The following CCDC93 variants were observed in gnomAD, a reference collection of about 807,000 sequenced individuals.
CCDC93 encodes CCC complex scaffolding subunit CCDC93, also known as coiled-coil domain-containing protein 93.
CCDC93 carries 61 observed loss-of-function variants against 108.2 expected under a neutral mutation model. The observed-to-expected ratio is 0.56, with a 90% CI of 0.46 to 0.70. The LOEUF (loss-of-function observed/expected upper bound fraction) is 0.70. CCDC93 is among the 30% of genes least tolerant of loss of function. The pLI is 0.00. For synonymous variants in CCDC93, 276 were observed against 260.4 expected (o/e 1.06, Z -0.58); for missense variants, 685 against 764.2 (o/e 0.90, Z 1.22).
intron 11 of CCDC93, among the ~76,000 whole-genome samples, chr2:117,972,812 T>C (rs1456219729): frequency 1.3e-5 from 2 of 152,142 alleles, no homozygotes; most frequent in Admixed American, 1.3e-4. Context: ...CTGGTCAAAT[T>C]TCAGATGACA....
At chr2:117,955,786 G>T (rs375667923) in intron 12 of CCDC93, among the ~76,000 whole-genome samples, 1 of 151,976 alleles carries the variant, frequency 6.6e-6, no homozygotes, top group African/African-American at 2.4e-5. Context: ...ACAGAGAGAC[G>T]TCTGTGATAC....
At position 117,972,661 on chromosome 2, in the gene CCDC93, G is replaced by A. The variant is rs184786538; in HGVS notation, c.888+1247C>T. Reference sequence around the variant, plus strand: ...TCAGCAATGCTATGTGGCAACATAAGGGCGGGTATAAACTCACACTCTTGC... The same window carrying A: ...TCAGCAATGCTATGTGGCAACATAAAGGCGGGTATAAACTCACACTCTTGC... On this transcript the variant is annotated intron_variant, in intron 11 of 23. Coordinates refer to ENST00000376300, the MANE Select transcript of CCDC93 (RefSeq NM_019044.5). 5.1e-4 allele frequency among the ~76,000 whole-genome samples: 78 copies of A among 151,922 alleles called. 1 individual carries two copies. Among genetic ancestry groups the A allele is most frequent in the African/African-American group, 1.7e-3 (71 of 41,374 alleles).
chr2:117,961,052 T>A (rs974076392), intron 11 of CCDC93, among the ~76,000 whole-genome samples: 3 of 152,166 alleles, frequency 2.0e-5, no homozygotes, highest in African/African-American at 7.2e-5. Flanking sequence ...TGAGAACTGC[T>A]ACTTTAATCT....
chr2:118,008,353 C>T (rs1200139247), intron 2 of CCDC93, among the ~76,000 whole-genome samples, 192 bp downstream of exon 2: 1 of 152,198 alleles, frequency 6.6e-6, no homozygotes, highest in Non-Finnish European at 1.5e-5. Flanking sequence ...AAGGAACTGA[C>T]GTATTCACTG....
chr2:117,973,472 C>A (rs1227899394), intron 11 of CCDC93, among the ~76,000 whole-genome samples: 1 of 149,730 alleles, frequency 6.7e-6, no homozygotes, highest in African/African-American at 2.5e-5. Flanking sequence ...TCATTCTATA[C>A]TCTTTTAATA....
At chr2:118,009,167 T>TC (rs1676958813) in intron 1 of CCDC93, among the ~76,000 whole-genome samples, 1 of 151,828 alleles carries the variant, frequency 6.6e-6, no homozygotes, top group Non-Finnish European at 1.5e-5. Context: ...GGTCAGGAGT[T>TC]CAAGACCAGC....
chr2:117,955,705 G>A (rs1249272679), intron 12 of CCDC93, among the ~76,000 whole-genome samples: 2 of 152,138 alleles, frequency 1.3e-5, no homozygotes, highest in East Asian at 3.9e-4. Flanking sequence ...TGAACTGAAT[G>A]AGTTAATTTT....
At chr2:117,961,726 T>C (rs17583995) in intron 11 of CCDC93, among the ~76,000 whole-genome samples, 10,583 of 152,136 alleles carry the variant, frequency 0.07, 510 homozygotes, top group Admixed American at 0.11. Flanking sequence ...ATGACCAAGG[T>C]GGATTTTGAA....
chr2:117,982,755 T>G (rs1472642486), intron 7 of CCDC93, among the ~76,000 whole-genome samples: 19 of 144,970 alleles, frequency 1.3e-4, no homozygotes, highest in South Asian at 4.4e-4. Flanking sequence ...CATAGTGTAG[T>G]GGGGGGGGGG....
intron 7 of CCDC93, among the ~76,000 whole-genome samples, chr2:117,979,568 A>G (rs1318795049): frequency 6.6e-6 from 1 of 152,234 alleles, no homozygotes; most frequent in African/African-American, 2.4e-5. Context: ...CACTGAACAA[A>G]CAAACTAAAC....
At chr2:117,976,424 G>A (rs1431751539) in intron 8 of CCDC93, among the ~76,000 whole-genome samples, 1 of 151,938 alleles carries the variant, frequency 6.6e-6, no homozygotes, top group East Asian at 1.9e-4. Context: ...ACCCTGCTCT[G>A]TAGGAAATCA....
intron 23 of CCDC93, among the ~76,000 whole-genome samples, chr2:117,929,368 G>A (rs1678244198): frequency 6.6e-6 from 1 of 152,210 alleles, no homozygotes; most frequent in Non-Finnish European, 1.5e-5. Context: ...TGTCTTAGCT[G>A]GATCTGAAGG....
chr2:117,948,408 A>T (rs559847573), intron 14 of CCDC93, among the ~76,000 whole-genome samples: 1 of 152,386 alleles, frequency 6.6e-6, no homozygotes, highest in African/African-American at 2.4e-5. Flanking sequence ...CCAAGAAAAC[A>T]TTACAGATTC....
chr2:117,971,616 G>A (rs1679765517), intron 11 of CCDC93, among the ~76,000 whole-genome samples: 1 of 152,140 alleles, frequency 6.6e-6, no homozygotes, highest in Admixed American at 6.6e-5. Flanking sequence ...TTATAAAGCA[G>A]ATACTAGGGC....
chr2:117,923,817 T>G (rs947041020), intron 23 of CCDC93, among the ~76,000 whole-genome samples: 1 of 118,418 alleles, frequency 8.4e-6, no homozygotes, highest in Non-Finnish European at 1.7e-5. Flanking sequence ...GATCTGAGAA[T>G]GGGCAGACTG....
chr2:117,974,823 C>A, intron 10 of CCDC93, 27 bp downstream of exon 10: 1 of 1,554,382 alleles, frequency 6.4e-7, no homozygotes, highest in Non-Finnish European at 8.7e-7. Flanking sequence ...AAGTCCCCAT[C>A]CCCACACCTC....
intron 1 of CCDC93, chr2:118,012,859 T>A (rs1250149903): frequency 6.6e-6 from 1 of 152,210 alleles, no homozygotes; most frequent in Admixed American, 6.5e-5. Context: ...AACACAGTGA[T>A]CCCTCAATTA....
chr2:117,936,683 G>A lies in CCDC93; in HGVS notation c.1643+19C>T. ...AGGCCGGCAGGGTATTAGTGGGAAG[G>A]AGGACTGACAGTACTTACTGTGAGA... On this transcript the variant is annotated intron_variant, in intron 21 of 23. Coordinates refer to ENST00000376300, the MANE Select transcript of CCDC93 (RefSeq NM_019044.5). The A allele has an allele frequency of 6.2e-7, 1 of 1,603,776 alleles. No individual in the cohort carries two copies. Among genetic ancestry groups the A allele is most frequent in the Non-Finnish European group, 8.5e-7 (1 of 1,170,550 alleles).
chr2:117,995,801 T>C (rs531788534), intron 5 of CCDC93: 2 of 269,224 alleles, frequency 7.4e-6, no homozygotes, highest in East Asian at 7.8e-5. Context: ...GTAAGTTACT[T>C]AACCTCTAAG....
Sources: allele counts gnomAD v4.1 joint callset (sites outside exome capture counted in the v4.1 genomes callset), GRCh38; gene constraint gnomAD v4.1.1; transcripts MANE v1.5; gene names NCBI Gene and HGNC (gene_info 2026-07-23, HGNC 2026-07-21).